SFI1: variants seen among roughly 807,000 people sequenced by gnomAD.
SFI1 encodes protein SFI1 homolog.
SFI1 carries 195 observed loss-of-function variants against 207.5 expected under a neutral mutation model. The observed-to-expected ratio is 0.94, with a 90% CI of 0.84 to 1.06. SFI1 has a LOEUF of 1.06. SFI1 is among the 50% of genes least tolerant of loss of function. The pLI, the probability that SFI1 is intolerant of heterozygous loss-of-function variation, is 0.00. For synonymous variants in SFI1, 630 were observed against 598.9 expected (o/e 1.05, Z -0.76); for missense variants, 1,634 against 1,588.0 (o/e 1.03, Z -0.49).
intron 24 of SFI1, 61 bp from the exon 25 acceptor site, chr22:31,613,081 G>A (rs1053944864): frequency 1.4e-4 from 215 of 1,564,968 alleles, no homozygotes; most frequent in Non-Finnish European, 1.7e-4. Context: ...GCAGGGCCCC[G>A]TGATCACCAC....
chr22:31,512,874 GA>G (rs112384958), intron 2 of SFI1, among the ~76,000 whole-genome samples: 4 of 152,164 alleles, frequency 2.6e-5, no homozygotes, highest in African/African-American at 7.2e-5. Context: ...TTTTAGTAGA[GA>G]GGGGGTTTCA....
At chr22:31,547,990 G>A (rs1022422264) in intron 5 of SFI1, among the ~76,000 whole-genome samples, 14 of 150,922 alleles carry the variant, frequency 9.3e-5, no homozygotes, top group East Asian at 2.0e-4. Context: ...CGAGATGGGC[G>A]GATCACGAGG....
chr22:31,589,591 C>T lies in SFI1; in HGVS notation c.1544+14C>T, dbSNP rs2065542164. On this transcript the variant is annotated intron_variant, in intron 15 of 32. Coordinates refer to ENST00000400288, the MANE Select transcript of SFI1 (RefSeq NM_001007467.3). ...ACGTTTCCACAGGTATGTTGCGCAG[C>T]TCCTGTCTGCACTGGGGCAGGTGTT... The T allele has an allele frequency of 3.7e-6, 6 of 1,607,382 alleles. No homozygotes were observed. The highest frequency in any genetic ancestry group is 1.3e-5 in the African/African-American group (1 of 74,564).
Position 31,617,215 on chromosome 22 carries a change from G to A in SFI1, c.3512+137G>A, listed in dbSNP as rs939302133. The A allele has an allele frequency of 1.2e-5, 10 of 841,430 alleles. No homozygotes were observed. In the African/African-American group the frequency reaches 1.7e-4, roughly 14 times the overall value. The allele number at this position is 841,430 out of a possible 1,614,324, so 52.1% of individuals were successfully genotyped here. On this transcript the variant is annotated intron_variant, in intron 31 of 32. Coordinates refer to ENST00000400288, the MANE Select transcript of SFI1 (RefSeq NM_001007467.3). ...TCTCGGTCTAGCCATGGAGGGGTGT[G>A]GGGAGCCCTCAGTGTGTGCTGTCCA...
At chr22:31,610,007 G>C (rs1389726291) in intron 22 of SFI1, among the ~76,000 whole-genome samples, 1 of 152,222 alleles carries the variant, frequency 6.6e-6, no homozygotes, top group African/African-American at 2.4e-5. Flanking sequence ...GCGGTGGCAG[G>C]CTTGGGTTGC....
At chr22:31,524,694 T>TG (rs1330548833) in intron 2 of SFI1, among the ~76,000 whole-genome samples, 1 of 105,826 alleles carries the variant, frequency 9.4e-6, no homozygotes, top group Non-Finnish European at 2.0e-5. Context: ...CCTTTTTTAA[T>TG]TGGATTTTTT....
At position 31,613,819 on chromosome 22, in the gene SFI1, G is replaced by A; in HGVS notation, c.2960G>A (p.Gly987Asp). Residue 987 changes from glycine (G) to aspartate (D), a missense_variant, in exon 27 of 33, where the codon GGC becomes GAC. Gly to Asp is a moderately conservative substitution (Grantham distance 94). Coordinates refer to ENST00000400288, the MANE Select transcript of SFI1 (RefSeq NM_001007467.3). ...GCTTCTCGGCCTCTGGGAGCTCTGG[G>A]CCGCCTGGCTGCTGAGGAGCCCCAC... ...PQASRPLGAL[G>D]RLAAEEPHAL... is the part of the protein sequence containing the mutation. 1 of 1,610,024 alleles carries A rather than the reference G, an allele frequency of 6.2e-7. No homozygotes were observed. The highest frequency in any genetic ancestry group is 8.5e-7 in the Non-Finnish European group (1 of 1,178,602).
At chr22:31,548,697 C>T (rs1351518229) in intron 5 of SFI1, among the ~76,000 whole-genome samples, 4 of 150,158 alleles carry the variant, frequency 2.7e-5, no homozygotes, top group Non-Finnish European at 5.9e-5. Context: ...TAGTCCCAGC[C>T]ACTCGGGAGG....
chr22:31,548,420 CAA>C (rs1448887675), intron 5 of SFI1, among the ~76,000 whole-genome samples: 1 of 149,326 alleles, frequency 6.7e-6, no homozygotes, highest in East Asian at 2.0e-4. Flanking sequence ...AAAAACAAAA[CAA>C]AACAAAACAA....
At chr22:31,541,076 G>A (rs558744063) in intron 4 of SFI1, among the ~76,000 whole-genome samples, 51 of 152,016 alleles carry the variant, frequency 3.4e-4, no homozygotes, top group Non-Finnish European at 6.8e-4. Context: ...GGATCCAGGG[G>A]CCTAACCACT....
At chr22:31,568,153 C>A (rs56205957) in intron 8 of SFI1, among the ~76,000 whole-genome samples, 3,141 of 117,168 alleles carry the variant, frequency 0.027, 34 homozygotes, top group African/African-American at 0.037. Flanking sequence ...CTCTCTCTCT[C>A]TCTATATATA....
At chr22:31,570,923 C>T (rs1412379720) in intron 8 of SFI1, among the ~76,000 whole-genome samples, 2 of 152,140 alleles carry the variant, frequency 1.3e-5, no homozygotes, top group African/African-American at 2.4e-5. Context: ...TCTGGCAGGT[C>T]AAGGGAGGTG....
At chr22:31,604,756 C>CTT in intron 19 of SFI1, 113 bp from the exon 20 acceptor site, 1 of 961,632 alleles carries the variant, frequency 1.0e-6, no homozygotes, top group Non-Finnish European at 1.5e-6. Flanking sequence ...TCTTCCTACC[C>CTT]TTTTTGAGTT....
chr22:31,526,802 A>G (rs2057963294), intron 2 of SFI1, among the ~76,000 whole-genome samples: 1 of 152,144 alleles, frequency 6.6e-6, no homozygotes, highest in Non-Finnish European at 1.5e-5. Context: ...ACCTCAGGTG[A>G]TCCGCCTGCC....
intron 11 of SFI1, among the ~76,000 whole-genome samples, chr22:31,579,264 C>T (rs2063829313): frequency 1.3e-5 from 2 of 152,228 alleles, no homozygotes; most frequent in South Asian, 4.1e-4. Context: ...CCACTTCAGC[C>T]TCCCAAGCAG....
At chr22:31,589,643 G>A in intron 15 of SFI1, 66 bp downstream of exon 15, 1 of 1,523,716 alleles carries the variant, frequency 6.6e-7, no homozygotes, top group Non-Finnish European at 8.8e-7. Context: ...CAACCACACA[G>A]CCCATTTGCT....
chr22:31,580,546 T>C (rs368298049), intron 12 of SFI1, among the ~76,000 whole-genome samples, 182 bp downstream of exon 12: 12 of 131,216 alleles, frequency 9.1e-5, no homozygotes, highest in Admixed American at 2.9e-4. Context: ...TCTTTTCTTT[T>C]TTTTTTTTTT....
chr22:31,594,988 T>A, intron 15 of SFI1, among the ~76,000 whole-genome samples: 1 of 151,554 alleles, frequency 6.6e-6, no homozygotes, highest in Non-Finnish European at 1.5e-5. Context: ...AATAATAATT[T>A]ATTTATTTAT....
At chr22:31,516,445 G>C (rs1407833485) in intron 2 of SFI1, among the ~76,000 whole-genome samples, 1 of 151,758 alleles carries the variant, frequency 6.6e-6, no homozygotes, top group Non-Finnish European at 1.5e-5. Flanking sequence ...CCTGTGAGGT[G>C]GGGGTTACAG....
Sources: gnomAD v4.1 joint callset for allele counts (sites outside exome capture counted in the v4.1 genomes callset) on GRCh38, gnomAD v4.1.1 for gene constraint, MANE v1.5 for transcripts, NCBI Gene and HGNC (gene_info 2026-07-23, HGNC 2026-07-21) for gene names.